PDE10A: variants seen among roughly 807,000 people sequenced by gnomAD.
The protein encoded by PDE10A is cAMP and cAMP-inhibited cGMP 3',5'-cyclic phosphodiesterase 10A.
In PDE10A, 39 loss-of-function variants were observed where a neutral mutation model predicts 97.7. The observed-to-expected ratio is 0.40, with a 90% confidence interval of 0.31 to 0.52. The LOEUF is 0.52. PDE10A is among the 20% of genes least tolerant of loss of function. PDE10A has a pLI of 0.56. For missense variants in PDE10A, 731 were observed against 1,047.8 expected, an observed-to-expected ratio of 0.70 and a Z score of 4.17; for synonymous variants, 371 against 376.8, an observed-to-expected ratio of 0.98 and a Z score of 0.18.
chr6:165,763,441 G>GC (rs201244717), intron 1 of PDE10A, among the ~76,000 whole-genome samples: 7,312 of 152,130 alleles, frequency 0.048, 285 homozygotes, highest in South Asian at 0.18. Context: ...TCGTGCCTCA[G>GC]CCCCCCCAGT....
intron 1 of PDE10A, among the ~76,000 whole-genome samples, chr6:165,768,076 C>T (rs534488707): frequency 3.3e-5 from 5 of 152,174 alleles, no homozygotes; most frequent in Admixed American, 1.3e-4. Flanking sequence ...GCCATTTGTA[C>T]GTCTTCTTTA....
rs149955464 is a variant in PDE10A, at chr6:165,980,636, C to T, written c.-615+6893G>A. Among the ~76,000 whole-genome samples, 564 of 152,276 alleles carry T rather than the reference C, an allele frequency of 3.7e-3. 2 individuals are homozygous for T. Among genetic ancestry groups the T allele is most frequent in the African/African-American group, 0.013 (529 of 41,540 alleles). On this transcript the variant is annotated intron_variant, in intron 1 of 19. Coordinates refer to the PDE10A transcript ENST00000366882. ...TGTTACATATATCACCCTGCATGTG[C>T]TCAGGAAATTTCTGGTTGGCTTCAT... is the stretch of plus-strand genomic sequence containing the variant.
At chr6:165,389,268 A>G (rs1000366128) in intron 16 of PDE10A, among the ~76,000 whole-genome samples, 1 of 152,210 alleles carries the variant, frequency 6.6e-6, no homozygotes, top group Admixed American at 6.5e-5. Context: ...TATTTACAAG[A>G]TTATTCTGGC....
intron 1 of PDE10A, among the ~76,000 whole-genome samples, chr6:165,614,089 A>G (rs1367890636): frequency 2.0e-5 from 3 of 152,090 alleles, no homozygotes; most frequent in Non-Finnish European, 4.4e-5. Context: ...TCTCGCAAAC[A>G]TTTCCACTTA....
intron 1 of PDE10A, among the ~76,000 whole-genome samples, chr6:165,936,318 G>A (rs1050428375): frequency 6.6e-6 from 1 of 152,186 alleles, no homozygotes; most frequent in Non-Finnish European, 1.5e-5. Flanking sequence ...GAGAGAATGT[G>A]GAGTAAGCAG....
At chr6:165,883,930 G>T (rs1165889348) in intron 1 of PDE10A, among the ~76,000 whole-genome samples, 2 of 152,162 alleles carry the variant, frequency 1.3e-5, no homozygotes. Context: ...CAGCTTGGTG[G>T]TCCTTGAGGG....
intron 13 of PDE10A, among the ~76,000 whole-genome samples, chr6:165,408,139 C>T (rs220770): frequency 6.6e-6 from 1 of 152,048 alleles, no homozygotes; most frequent in South Asian, 2.1e-4. Context: ...GCTTCTATTA[C>T]GGACACAATA....
chr6:165,861,066 C>T (rs910212328), intron 1 of PDE10A, among the ~76,000 whole-genome samples: 2 of 152,136 alleles, frequency 1.3e-5, no homozygotes, highest in African/African-American at 2.4e-5. Flanking sequence ...AAGGGGTACA[C>T]GGAATACATC....
chr6:165,944,152 C>T (rs1783682040), intron 1 of PDE10A, among the ~76,000 whole-genome samples: 1 of 152,180 alleles, frequency 6.6e-6, no homozygotes, highest in Non-Finnish European at 1.5e-5. Flanking sequence ...CTTCTTAAAA[C>T]CATCAGATCT....
intron 1 of PDE10A, among the ~76,000 whole-genome samples, chr6:165,919,351 G>A (rs907647369): frequency 6.6e-6 from 1 of 152,176 alleles, no homozygotes; most frequent in East Asian, 1.9e-4. Context: ...ATGAGCATAT[G>A]TACTCATGGC....
chr6:165,517,657 C>T (rs541271318), intron 2 of PDE10A, among the ~76,000 whole-genome samples: 32 of 152,218 alleles, frequency 2.1e-4, no homozygotes, highest in South Asian at 8.3e-4. Flanking sequence ...GTCATTCACA[C>T]GACATTTGGG....
intron 1 of PDE10A, among the ~76,000 whole-genome samples, chr6:165,613,552 G>A (rs1043302038): frequency 6.6e-6 from 1 of 152,042 alleles, no homozygotes; most frequent in Non-Finnish European, 1.5e-5. Context: ...GGTGTGGGGG[G>A]ATTCCTTGAG....
At chr6:165,763,554 C>T (rs1293839896) in intron 1 of PDE10A, among the ~76,000 whole-genome samples, 1 of 152,150 alleles carries the variant, frequency 6.6e-6, no homozygotes, top group African/African-American at 2.4e-5. Flanking sequence ...AACTCCTGAC[C>T]TCAGGTGATC....
At chr6:165,664,198 T>A (rs1416903983), upstream of PDE10A, among the ~76,000 whole-genome samples, 3 of 152,048 alleles carry the variant, frequency 2.0e-5, no homozygotes, top group Non-Finnish European at 4.4e-5. Context: ...GTGCAGCAAC[T>A]GGGTTGACCC....
intron 3 of PDE10A, among the ~76,000 whole-genome samples, chr6:165,463,421 C>G (rs572802016): frequency 6.6e-6 from 1 of 152,206 alleles, no homozygotes; most frequent in East Asian, 1.9e-4. Flanking sequence ...ATCCCAGGCA[C>G]GCCTGAGCTT....
chr6:165,453,829 G>A (rs572372547), intron 3 of PDE10A, among the ~76,000 whole-genome samples: 1 of 152,310 alleles, frequency 6.6e-6, no homozygotes, highest in Non-Finnish European at 1.5e-5. Flanking sequence ...CCAATACCTA[G>A]AGAAGCCCTG....
intron 1 of PDE10A, among the ~76,000 whole-genome samples, chr6:165,862,324 A>G (rs534689330): frequency 6.6e-6 from 1 of 152,356 alleles, no homozygotes; most frequent in South Asian, 2.1e-4. Flanking sequence ...TTCATGTCCA[A>G]GCCAATTTGA....
rs371995575 is a variant in PDE10A at position 165,684,497 on chromosome 6, C to T, written c.-614-140929G>A. ...CCTTTCCTGTTTGGCAAGCTATGGT[C>T]GCGGCTGCCATCACTGCTATGTGAG... On this transcript the variant is annotated intron_variant, in intron 1 of 19. Transcript: ENST00000366882. Among the ~76,000 whole-genome samples the T allele has an allele frequency of 8.5e-5, 13 of 152,338 alleles. No individual in the cohort carries two copies. The East Asian group carries it at 9.6e-4, about 11-fold the overall frequency.
intron 3 of PDE10A, among the ~76,000 whole-genome samples, chr6:165,454,465 A>G (rs919258382): frequency 6.6e-6 from 1 of 152,202 alleles, no homozygotes; most frequent in African/African-American, 2.4e-5. Context: ...GGACCTTAAG[A>G]GATGATTAGG....
Sources: gnomAD v4.1 joint callset for allele counts (sites outside exome capture counted in the v4.1 genomes callset) on GRCh38, gnomAD v4.1.1 for gene constraint, MANE v1.5 for transcripts, NCBI Gene and HGNC (gene_info 2026-07-23, HGNC 2026-07-21) for gene names.